ZBTB5: variants seen among roughly 807,000 people sequenced by gnomAD.
ZBTB5 encodes zinc finger and BTB domain containing 5.
A neutral mutation model predicts 37.9 loss-of-function variants in ZBTB5; 15 were observed. The ratio of observed to expected loss-of-function variants is 0.40; its 90% CI spans 0.26 to 0.61. ZBTB5 has a LOEUF of 0.61. Among genes scored for constraint, ZBTB5 ranks in the 20% least tolerant of loss-of-function variants. The pLI, the probability that ZBTB5 is intolerant of heterozygous loss-of-function variation, is 0.47. For missense variants in ZBTB5, 708 were observed against 856.8 expected, an observed-to-expected ratio of 0.83 and a Z score of 2.17; for synonymous variants, 315 against 312.4, an observed-to-expected ratio of 1.01 and a Z score of -0.09.
chr9:37,449,741 TAA>T (rs1436495323), intron 1 of ZBTB5, among the ~76,000 whole-genome samples: 2 of 149,070 alleles, frequency 1.3e-5, no homozygotes, highest in Admixed American at 1.3e-4. Flanking sequence ...ATACAGGAAT[TAA>T]AGACAAATTA....
chr9:37,444,627 G>A (rs1823943834), intron 1 of ZBTB5, among the ~76,000 whole-genome samples: 1 of 152,154 alleles, frequency 6.6e-6, no homozygotes, highest in Non-Finnish European at 1.5e-5. Context: ...AATAAAATTG[G>A]CATTCGTCTT....
intron 1 of ZBTB5, among the ~76,000 whole-genome samples, chr9:37,444,333 G>T (rs187708298): frequency 1.3e-5 from 2 of 152,030 alleles, no homozygotes; most frequent in Admixed American, 1.3e-4. Context: ...TGACGAGCTG[G>T]GATTATAGGT....
chr9:37,441,612 T>TAA lies in ZBTB5; in HGVS notation c.939_940insTT (p.Asn314LeufsTer13). The TAA allele has an allele frequency of 1.2e-6, 2 of 1,613,160 alleles. No homozygotes were observed. The highest frequency in any genetic ancestry group is 1.7e-6 in the Non-Finnish European group (2 of 1,179,932). On this transcript the variant is annotated frameshift_variant, in exon 2 of 2. Coordinates refer to ENST00000307750, the MANE Select transcript of ZBTB5 (RefSeq NM_014872.3). LOFTEE classifies it high-confidence loss of function. ...TTCTCACCAAGGCCAACCTCAGGGT[T>TAA]TTCACACTGAAAACTACTTTTCTCA...
rs983690346 is a variant in ZBTB5, at chr9:37,440,109, T to C, written c.*409A>G. 1 of 187,416 alleles carries C rather than the reference T, an allele frequency of 5.3e-6. No individual in the cohort carries two copies. Among genetic ancestry groups the C allele is most frequent in the East Asian group, 1.4e-4 (1 of 7,188 alleles). The allele number at this position is 187,416 out of a possible 1,614,324, so 11.6% of individuals were successfully genotyped here. A position where few individuals can be genotyped will look rare whatever the true frequency, so the allele number is the denominator to read the frequency against. ...GCACCAAATCACCACTGGTTACACA[T>C]AAGTGCATTTTGCATCACTATACAG... is the stretch of plus-strand genomic sequence containing the variant. On this transcript the variant is annotated 3_prime_UTR_variant, in exon 2 of 2. Coordinates refer to ENST00000307750, the MANE Select transcript of ZBTB5 (RefSeq NM_014872.3).
At chr9:37,456,935 T>C (rs888504506) in intron 1 of ZBTB5, among the ~76,000 whole-genome samples, 15 of 152,216 alleles carry the variant, frequency 9.9e-5, no homozygotes, top group Non-Finnish European at 1.5e-4. Context: ...TCAAAGACTA[T>C]GGATGAAAGA....
At chr9:37,455,699 C>T (rs918224015) in intron 1 of ZBTB5, among the ~76,000 whole-genome samples, 4 of 152,162 alleles carry the variant, frequency 2.6e-5, no homozygotes, top group Non-Finnish European at 4.4e-5. Flanking sequence ...ACACGTCCTG[C>T]GAGGGGGGTT....
In ZBTB5 at chr9:37,441,718, G is replaced by C; in HGVS notation, c.834C>G (p.Asn278Lys). Residue 278 changes from asparagine to lysine, a missense_variant, in exon 2 of 2, where the codon AAC becomes AAG. By Grantham distance (94) the Asn-to-Lys change is moderately conservative. Coordinates refer to ENST00000307750, the MANE Select transcript of ZBTB5 (RefSeq NM_014872.3). ...ACAACTGTGCCATGTTGCCAGCACT[G>C]TTATCAGACTGGCTGGGCACCTGGG... Reference protein sequence around the residue: ...EDAQVPSQSDNSAGNMAQLSM... With the variant: ...EDAQVPSQSDKSAGNMAQLSM... The C allele has an allele frequency of 6.2e-7, 1 of 1,613,966 alleles. No individual in the cohort carries two copies. Among genetic ancestry groups the C allele is most frequent in the Non-Finnish European group, 8.5e-7 (1 of 1,179,980 alleles).
chr9:37,438,215 G>A lies in ZBTB5; in HGVS notation c.*2303C>T, dbSNP rs956467830. On this transcript the variant is annotated 3_prime_UTR_variant, in exon 2 of 2. Coordinates refer to ENST00000307750, the MANE Select transcript of ZBTB5 (RefSeq NM_014872.3). ...ACTCCTTGATAGAACTTTATGATCT[G>A]TTCACCAGAAAAGATTCTACATGAT... The A allele has an allele frequency of 1.3e-5, 2 of 152,570 alleles. No homozygotes were observed. Among genetic ancestry groups the A allele is most frequent in the African/African-American group, 4.8e-5 (2 of 41,430 alleles). The allele number at this position is 152,570 out of a possible 1,614,324, so 9.5% of individuals were successfully genotyped here. A position where few individuals can be genotyped will look rare whatever the true frequency, so the allele number is the denominator to read the frequency against.
chr9:37,450,476 T>C (rs540967889), intron 1 of ZBTB5, among the ~76,000 whole-genome samples: 1 of 152,296 alleles, frequency 6.6e-6, no homozygotes, highest in African/African-American at 2.4e-5. Flanking sequence ...ATGAGTAATA[T>C]GCATTGAGCA....
chr9:37,441,661 A>G lies in ZBTB5; in HGVS notation c.891T>C (p.Thr297=). The change falls in exon 2 of 2, where the codon ACT becomes ACC. Residue 297 remains threonine, a synonymous_variant. Coordinates refer to ENST00000307750, the MANE Select transcript of ZBTB5 (RefSeq NM_014872.3). ...SMASRATQVE[T]SFDQEAAPEK... is the part of the protein sequence containing the mutation. ...CAGGTGCAGCTTCCTGATCAAAACT[A>G]GTCTCAACCTGAGTTGCACGAGAGG... The G allele has an allele frequency of 1.2e-6, 2 of 1,613,874 alleles. No homozygotes were observed. The highest frequency in any genetic ancestry group is 1.3e-5 in the African/African-American group (1 of 74,940).
rs1177313791 is a variant in ZBTB5 at position 37,441,480 on chromosome 9, C to A, written c.1072G>T (p.Val358Leu). Residue 358 changes from valine to leucine, a missense_variant, in exon 2 of 2, where the codon GTG becomes TTG. Val to Leu is a conservative substitution (Grantham distance 32). Around this residue, in one of 3 missense-constraint regions of ZBTB5, gnomAD observed 639 missense variants for 690.5 expected, o/e 0.93. Transcript: ENST00000307750. ...TCGGCACTGACCACAACTCCTTCCACTTCCACAGACTCGCTGCCTTCTGCT... is the reference window on the plus strand; with the variant it reads ...TCGGCACTGACCACAACTCCTTCCAATTCCACAGACTCGCTGCCTTCTGCT... Reference protein sequence around the residue: ...SQAEGSESVEVEGVVVSAEKI... With the variant: ...SQAEGSESVELEGVVVSAEKI... The A allele has an allele frequency of 3.1e-6, 5 of 1,613,334 alleles. No homozygotes were observed. The South Asian group carries it at 5.5e-5, about 18-fold the overall frequency.
At chr9:37,447,783 G>A (rs183865368) in intron 1 of ZBTB5, among the ~76,000 whole-genome samples, 5 of 151,420 alleles carry the variant, frequency 3.3e-5, no homozygotes, top group East Asian at 1.9e-4. Flanking sequence ...ATTTAAAAGG[G>A]CACTAATATT....
chr9:37,455,184 T>TGCAGAGGA (rs1824165138), intron 1 of ZBTB5, among the ~76,000 whole-genome samples: 1 of 152,106 alleles, frequency 6.6e-6, no homozygotes, highest in South Asian at 2.1e-4. Flanking sequence ...AAACAGAATG[T>TGCAGAGGA]GCAGAGGAGC....
intron 1 of ZBTB5, among the ~76,000 whole-genome samples, chr9:37,460,910 A>G (rs1424335383): frequency 6.6e-6 from 1 of 151,954 alleles, no homozygotes; most frequent in African/African-American, 2.4e-5. Flanking sequence ...AAAAAACTAA[A>G]CTTTTATCAA....
intron 1 of ZBTB5, among the ~76,000 whole-genome samples, chr9:37,447,750 T>C (rs147827889): frequency 1.1e-3 from 165 of 152,020 alleles, no homozygotes; most frequent in South Asian, 2.7e-3. Context: ...CACAAATAAA[T>C]AGTATTTCAA....
rs935921374 is a variant in ZBTB5 at position 37,440,290 on chromosome 9, C to A, written c.*228G>T. ...ACTACTTTCTGACTGCATTACTCAACCCCAAGGAAGCACCTGGTTTCAGGG... is the reference window on the plus strand; with the variant it reads ...ACTACTTTCTGACTGCATTACTCAAACCCAAGGAAGCACCTGGTTTCAGGG... On this transcript the variant is annotated 3_prime_UTR_variant, in exon 2 of 2. Coordinates refer to ENST00000307750, the MANE Select transcript of ZBTB5 (RefSeq NM_014872.3). 3.7e-6 allele frequency: 2 copies of A among 535,480 alleles called. No individual in the cohort carries two copies. Among genetic ancestry groups the A allele is most frequent in the Non-Finnish European group, 6.6e-6 (2 of 303,646 alleles). 33.2% of individuals were successfully genotyped at this position (535,480 alleles called of 1,614,324 possible).
intron 1 of ZBTB5, among the ~76,000 whole-genome samples, chr9:37,464,109 C>T (rs1410018): frequency 0.59 from 89,774 of 152,056 alleles, 28,488 homozygotes; most frequent in East Asian, 0.86. Flanking sequence ...AACCACCGTC[C>T]CCACAGAAAT....
In ZBTB5 at chr9:37,442,037, C is replaced by T; in HGVS notation, c.515G>A (p.Ser172Asn). ...QNGEEQPAPM[S>N]SSMRSNLDQR... ...ATCCAGGTTACTGCGCATGGAAGAGCTCATGGGGGCTGGCTGCTCCTCGCC... is the reference window on the plus strand; with the variant it reads ...ATCCAGGTTACTGCGCATGGAAGAGTTCATGGGGGCTGGCTGCTCCTCGCC... Residue 172 changes from serine (S) to asparagine (N), a missense_variant, in exon 2 of 2, where the codon AGC becomes AAC. Coordinates refer to ENST00000307750, the MANE Select transcript of ZBTB5 (RefSeq NM_014872.3). The T allele has an allele frequency of 1.2e-6, 2 of 1,613,850 alleles. No homozygotes were observed. Among genetic ancestry groups the T allele is most frequent in the South Asian group, 2.2e-5 (2 of 91,092 alleles).
At position 37,462,562 on chromosome 9, in the gene ZBTB5, GT is replaced by G. The variant is rs372165548; in HGVS notation, c.-5+2652del. 4.5e-3 allele frequency among the ~76,000 whole-genome samples: 599 copies of G among 132,378 alleles called. 2 individuals carry two copies. The highest frequency in any genetic ancestry group is 0.011 in the South Asian group (47 of 4,146). The allele number at this position is 132,378 out of a possible 152,430, so 86.8% of individuals were successfully genotyped here. ...TTTGAGTGGTGTCTTTGCTTTAACC[GT>G]TTTTTTTTTTTTTTTGAGACAGGGT... On this transcript the variant is annotated intron_variant, in intron 1 of 1. Coordinates refer to ENST00000307750, the MANE Select transcript of ZBTB5 (RefSeq NM_014872.3).
Sources: allele counts gnomAD v4.1 joint callset (sites outside exome capture counted in the v4.1 genomes callset), GRCh38; gene constraint gnomAD v4.1.1; regional missense constraint gnomAD v4.1.1; transcripts MANE v1.5; gene names NCBI Gene and HGNC (gene_info 2026-07-23, HGNC 2026-07-21).